Variants in NEK2 observed in about 807,000 individuals in gnomAD.
NEK2 encodes the protein NIMA related kinase 2, also known as serine/threonine-protein kinase Nek2.
A neutral mutation model predicts 54.1 loss-of-function variants in NEK2; 28 were observed. That is an observed-to-expected ratio of 0.52 (90% CI 0.38 to 0.71). The LOEUF (loss-of-function observed/expected upper bound fraction) is 0.71. Ranked by LOEUF, NEK2 falls within the 30% of genes least tolerant of loss-of-function variation. NEK2 has a pLI of 0.00. For synonymous variants in NEK2, 176 were observed against 193.1 expected, an observed-to-expected ratio of 0.91 and a Z score of 0.73; for missense variants, 407 against 531.5, an observed-to-expected ratio of 0.77 and a Z score of 2.30.
chr1:211,669,383 C>T, intron 5 of NEK2, 51 bp from the exon 6 acceptor site: 1 of 1,480,238 alleles, frequency 6.8e-7, no homozygotes, highest in Admixed American at 1.8e-5. Context: ...CAGAATAGTC[C>T]TCCTAAGACA....
intron 7 of NEK2, chr1:211,666,807 T>TA: frequency 1.2e-6 from 1 of 847,470 alleles, no homozygotes; most frequent in Non-Finnish European, 1.4e-6. Flanking sequence ...TCAAAAAAAA[T>TA]AAAAAAATAA....
downstream of NEK2, chr1:211,660,083 C>T (rs149169847): frequency 5.9e-3 from 1,023 of 172,402 alleles, 7 homozygotes; most frequent in Admixed American, 0.01. Flanking sequence ...TTGGCCACCA[C>T]GCCCAGCTGG....
At chr1:211,668,523 C>G (rs1655249549) in intron 6 of NEK2, among the ~76,000 whole-genome samples, 1 of 151,986 alleles carries the variant, frequency 6.6e-6, no homozygotes, top group Non-Finnish European at 1.5e-5. Context: ...TAGGTCACAC[C>G]TATAATCCCA....
intron 5 of NEK2, among the ~76,000 whole-genome samples, chr1:211,669,856 T>C: frequency 6.6e-6 from 1 of 152,200 alleles, no homozygotes; most frequent in East Asian, 1.9e-4. Context: ...CCCTCTGTTT[T>C]TAGCTGTCCT....
chr1:211,663,185 A>G lies in NEK2; in HGVS notation c.*241T>C. ...ACTAGTAATCACACACAGGATTAAA[A>G]GCCCAACCAAGAAAGTATTCTTTTT... is the stretch of plus-strand genomic sequence containing the variant. On this transcript the variant is annotated 3_prime_UTR_variant, in exon 8 of 8. Coordinates refer to ENST00000366999, the MANE Select transcript of NEK2 (RefSeq NM_002497.4). 5 of 1,282,892 alleles carry G rather than the reference A, an allele frequency of 3.9e-6. No homozygotes were observed. Among genetic ancestry groups the G allele is most frequent in the Non-Finnish European group, 3.0e-6 (3 of 1,013,852 alleles). The allele number at this position is 1,282,892 out of a possible 1,614,324, so 79.5% of individuals were successfully genotyped here.
intron 1 of NEK2, 49 bp from the exon 2 acceptor site, chr1:211,674,562 CA>C: frequency 7.2e-7 from 1 of 1,387,754 alleles, no homozygotes; most frequent in Non-Finnish European, 9.9e-7. Flanking sequence ...TGCTCAAAAA[CA>C]AAGAATGAAA....
At position 211,663,299 on chromosome 1, in the gene NEK2, A is replaced by G; in HGVS notation, c.*127T>C. The G allele has an allele frequency of 7.0e-7, 1 of 1,430,334 alleles. No homozygotes were observed. The highest frequency in any genetic ancestry group is 2.5e-5 in the East Asian group (1 of 39,716). The allele number at this position is 1,430,334 out of a possible 1,614,324, so 88.6% of individuals were successfully genotyped here. ...AGAACAGTAAAACCAATTCCGAAAT[A>G]TCATGTGTACTATACAGAAAGGCAT... On this transcript the variant is annotated 3_prime_UTR_variant, in exon 8 of 8. Transcript: ENST00000366999.
chr1:211,659,981 G>A (rs1292934315), downstream of NEK2, among the ~76,000 whole-genome samples: 9 of 151,926 alleles, frequency 5.9e-5, no homozygotes, highest in Non-Finnish European at 8.8e-5. Flanking sequence ...GCCACACCTG[G>A]CTAACTTTTA....
chr1:211,670,436 C>G, intron 4 of NEK2, 29 bp from the exon 5 acceptor site: 1 of 1,587,548 alleles, frequency 6.3e-7, no homozygotes, highest in Non-Finnish European at 8.5e-7. Context: ...AAGAAGACGA[C>G]GAAGACATTT....
rs1315278818 is a variant in NEK2 at position 211,675,506 on chromosome 1, G to C, written c.-27C>G. The C allele has an allele frequency of 6.3e-7, 1 of 1,595,536 alleles. No individual in the cohort carries two copies. Among genetic ancestry groups the C allele is most frequent in the African/African-American group, 1.3e-5 (1 of 74,608 alleles). On this transcript the variant is annotated 5_prime_UTR_variant, in exon 1 of 8. Transcript: ENST00000366999. ...GCCGGCCAGTCGCCAGAGTCGCGCT[G>C]CCTCACGCAGGTTGCGCCGCCAAGT... is the stretch of plus-strand genomic sequence containing the variant.
At position 211,675,551 on chromosome 1, in the gene NEK2, G is replaced by A. The variant is rs982024084; in HGVS notation, c.-72C>T. 16 of 1,288,268 alleles carry A rather than the reference G, an allele frequency of 1.2e-5. No individual in the cohort carries two copies. The highest frequency in any genetic ancestry group is 5.2e-4 in the Middle Eastern group (2 of 3,850). The allele number at this position is 1,288,268 out of a possible 1,614,324, so 79.8% of individuals were successfully genotyped here. ...CCAAGTGCGGAGCTCCAGGGACCAG[G>A]AACTCCAGGGACCTGGATGGAGAAG... On this transcript the variant is annotated 5_prime_UTR_variant, in exon 1 of 8. Transcript: ENST00000366999.
At chr1:211,673,784 GAT>G (rs1558230588) in intron 2 of NEK2, 61 bp from the exon 3 acceptor site, 6 of 1,504,114 alleles carry the variant, frequency 4.0e-6, no homozygotes, top group Non-Finnish European at 5.5e-6. Context: ...AAGATGGGAT[GAT>G]ATAAATTATC....
chr1:211,672,983 CA>C (rs1028395817), intron 3 of NEK2, among the ~76,000 whole-genome samples: 4 of 151,818 alleles, frequency 2.6e-5, no homozygotes, highest in African/African-American at 9.7e-5. Flanking sequence ...ATGCAGCAAA[CA>C]AAAACTGATA....
At chr1:211,673,459 G>A (rs1330964525) in intron 3 of NEK2, 24 bp downstream of exon 3, 1 of 1,608,228 alleles carries the variant, frequency 6.2e-7, no homozygotes, top group East Asian at 2.2e-5. Context: ...GTTTTAAAAA[G>A]TAGCTAAATT....
intron 7 of NEK2, 161 bp downstream of exon 7, chr1:211,666,945 C>A: frequency 6.9e-7 from 1 of 1,439,038 alleles, no homozygotes; most frequent in Non-Finnish European, 9.1e-7. Context: ...ATTGCTATAA[C>A]AGAATTTTGT....
Position 211,663,306 on chromosome 1 carries a change from G to A in NEK2, c.*120C>T. The A allele has an allele frequency of 2.0e-6, 3 of 1,475,588 alleles. No homozygotes were observed. The highest frequency in any genetic ancestry group is 1.4e-5 in the African/African-American group (1 of 70,668). 91.4% of individuals were successfully genotyped at this position (1,475,588 alleles called of 1,614,324 possible). On this transcript the variant is annotated 3_prime_UTR_variant, in exon 8 of 8. Coordinates refer to ENST00000366999, the MANE Select transcript of NEK2 (RefSeq NM_002497.4). ...TAAAACCAATTCCGAAATATCATGT[G>A]TACTATACAGAAAGGCATGGCTCAT...
intron 3 of NEK2, among the ~76,000 whole-genome samples, chr1:211,672,730 A>G (rs1655438147): frequency 6.6e-6 from 1 of 152,174 alleles, no homozygotes; most frequent in South Asian, 2.1e-4. Context: ...ACTCCAAGTG[A>G]GTCTGATGCA....
chr1:211,665,514 T>G (rs1385628758), intron 7 of NEK2, among the ~76,000 whole-genome samples: 1 of 152,230 alleles, frequency 6.6e-6, no homozygotes, highest in African/African-American at 2.4e-5. Context: ...CAACAGGGTC[T>G]TAAGTAATTC....
intron 7 of NEK2, among the ~76,000 whole-genome samples, chr1:211,664,063 T>G (rs1006530859): frequency 2.5e-5 from 1 of 39,558 alleles, no homozygotes; most frequent in Non-Finnish European, 6.6e-5. Flanking sequence ...TCTGTCTTTG[T>G]TTTTTTTTTT....
Sources: allele counts gnomAD v4.1 joint callset (sites outside exome capture counted in the v4.1 genomes callset), GRCh38; gene constraint gnomAD v4.1.1; transcripts MANE v1.5; gene names NCBI Gene and HGNC (gene_info 2026-07-23, HGNC 2026-07-21).